ENKUR: variants seen among roughly 807,000 people sequenced by gnomAD.
ENKUR encodes enkurin.
A neutral mutation model predicts 27.6 loss-of-function variants in ENKUR; 19 were observed. The ratio of observed to expected loss-of-function variants is 0.69; its 90% confidence interval spans 0.48 to 1.01. ENKUR has a LOEUF of 1.01. Among genes scored for constraint, ENKUR ranks in the 50% least tolerant of loss-of-function variants. ENKUR has a pLI of 0.00. For synonymous variants in ENKUR, 117 were observed against 96.9 expected (o/e 1.21, Z -1.22); for missense variants, 312 against 310.5 (o/e 1.00, Z -0.04).
At chr10:24,997,168 C>T (rs975819350) in intron 2 of ENKUR, among the ~76,000 whole-genome samples, 4 of 152,086 alleles carry the variant, frequency 2.6e-5, no homozygotes, top group Admixed American at 2.6e-4. Context: ...GTGCTTTCAT[C>T]ATGCCTGTGA....
chr10:25,023,372 A>T, intron 2 of ENKUR: 1 of 1,614,082 alleles, frequency 6.2e-7, no homozygotes, highest in Non-Finnish European at 8.5e-7. Context: ...TATTCAACCC[A>T]CTCTCTTGTT....
Position 24,990,487 on chromosome 10 carries a change from A to G in ENKUR, c.570T>C (p.Asp190=). The G allele has an allele frequency of 1.2e-6, 2 of 1,613,252 alleles. No homozygotes were observed. The highest frequency in any genetic ancestry group is 1.1e-5 in the South Asian group (1 of 90,754). ...LKKAAMKRLS[D]EEREAVLQGL... is the part of the protein sequence containing the mutation. Reference sequence around the variant, plus strand: ...CCTGCAAAACTGCCTCCCTTTCTTCATCGGAGAGCCTTTTCATAGCTGCTT... The same window carrying G: ...CCTGCAAAACTGCCTCCCTTTCTTCGTCGGAGAGCCTTTTCATAGCTGCTT... The change falls in exon 4 of 6, where the codon GAT becomes GAC. Residue 190 remains aspartate (D), a synonymous_variant. Transcript: ENST00000331161.
chr10:25,041,425 T>C (rs916347667), intron 2 of ENKUR, among the ~76,000 whole-genome samples: 2 of 152,216 alleles, frequency 1.3e-5, no homozygotes, highest in African/African-American at 4.8e-5. Flanking sequence ...TACACATTTA[T>C]GTCTTTCACC....
intron 1 of ENKUR, among the ~76,000 whole-genome samples, chr10:25,005,302 A>G (rs73608216): frequency 0.054 from 8,244 of 152,302 alleles, 614 homozygotes; most frequent in African/African-American, 0.16. Context: ...TACCAAAACT[A>G]TATTTTACCA....
rs766917059 is a variant in ENKUR at position 24,995,813 on chromosome 10, G to C, written c.280C>G (p.His94Asp). The change falls in exon 3 of 6, where the codon CAT becomes GAT. Residue 94 changes from histidine (H) to aspartate (D), a missense_variant. Physicochemically the swap from His to Asp is moderately conservative, Grantham distance 81. Transcript: ENST00000331161. Reference protein sequence around the residue: ...KKPAVPLKTDHPVMGIQSGKN... With the variant: ...KKPAVPLKTDDPVMGIQSGKN... ...CCACTCTGTATTCCCATGACAGGAT[G>C]ATCAGTCTTCAATGGCACAGCAGGC... The C allele has an allele frequency of 6.2e-7, 1 of 1,613,960 alleles. No homozygotes were observed. The highest frequency in any genetic ancestry group is 8.5e-7 in the Non-Finnish European group (1 of 1,179,992).
At chr10:25,006,369 G>A (rs1393703252) in intron 1 of ENKUR, among the ~76,000 whole-genome samples, 1 of 151,874 alleles carries the variant, frequency 6.6e-6, no homozygotes, top group Non-Finnish European at 1.5e-5. Flanking sequence ...GTGTATTTGT[G>A]GCAGCACACC....
chr10:24,986,018 T>C (rs1849770625), intron 4 of ENKUR, among the ~76,000 whole-genome samples: 1 of 152,132 alleles, frequency 6.6e-6, no homozygotes, highest in Non-Finnish European at 1.5e-5. Flanking sequence ...CAGTGAGCGA[T>C]GATTGCGCCA....
intron 2 of ENKUR, among the ~76,000 whole-genome samples, chr10:25,033,849 A>G (rs1046106093): frequency 2.0e-5 from 3 of 151,700 alleles, no homozygotes; most frequent in East Asian, 1.9e-4. Context: ...CTATCTATCT[A>G]TCTATCTATC....
intron 1 of ENKUR, among the ~76,000 whole-genome samples, chr10:25,015,446 G>A (rs1444677448): frequency 6.6e-6 from 1 of 152,158 alleles, no homozygotes; most frequent in Non-Finnish European, 1.5e-5. Context: ...TCCCATTAGA[G>A]AGGGAGTAGT....
intron 1 of ENKUR, among the ~76,000 whole-genome samples, chr10:25,004,428 C>T (rs1850265758): frequency 6.6e-6 from 1 of 151,966 alleles, no homozygotes; most frequent in Non-Finnish European, 1.5e-5. Context: ...TCCACAACCT[C>T]ACCAGTATCT....
intron 1 of ENKUR, among the ~76,000 whole-genome samples, chr10:25,005,792 C>T (rs1339486636): frequency 1.3e-5 from 2 of 152,184 alleles, no homozygotes; most frequent in Admixed American, 1.3e-4. Flanking sequence ...CTTGACAACA[C>T]AGGCATATGT....
intron 3 of ENKUR, among the ~76,000 whole-genome samples, chr10:24,992,925 T>A (rs1193424837): frequency 6.6e-6 from 1 of 152,154 alleles, no homozygotes; most frequent in African/African-American, 2.4e-5. Context: ...TACAGCTTAG[T>A]ACAATAATGG....
intron 2 of ENKUR, chr10:25,025,413 G>A (rs758766032): frequency 2.5e-6 from 4 of 1,612,782 alleles, no homozygotes; most frequent in Middle Eastern, 1.7e-4. Flanking sequence ...TGAATGTCTT[G>A]AAGAGTCATG....
chr10:25,055,259 T>C (rs1193702742), intron 2 of ENKUR, among the ~76,000 whole-genome samples: 1 of 151,994 alleles, frequency 6.6e-6, no homozygotes. Flanking sequence ...TTATTTTACA[T>C]TGATTTTGCT....
chr10:25,057,971 G>A (rs1851280089), intron 2 of ENKUR, among the ~76,000 whole-genome samples: 1 of 152,060 alleles, frequency 6.6e-6, no homozygotes, highest in African/African-American at 2.4e-5. Context: ...TGATAAAACA[G>A]TGTCTTAGGT....
At chr10:25,002,241 T>C (rs1030156254) in intron 1 of ENKUR, among the ~76,000 whole-genome samples, 2 of 152,192 alleles carry the variant, frequency 1.3e-5, no homozygotes, top group Non-Finnish European at 2.9e-5. Context: ...TGTTGGTTAT[T>C]TACTTGGCCT....
chr10:25,033,346 G>A (rs1456188583), intron 2 of ENKUR, among the ~76,000 whole-genome samples: 8 of 142,818 alleles, frequency 5.6e-5, no homozygotes, highest in African/African-American at 8.1e-5. Flanking sequence ...TGAGGTTGCC[G>A]TGAGCTATGA....
chr10:25,042,268 A>G (rs1851072633), intron 2 of ENKUR, among the ~76,000 whole-genome samples: 2 of 141,952 alleles, frequency 1.4e-5, no homozygotes, highest in South Asian at 4.5e-4. Flanking sequence ...CTTTGGAAAG[A>G]TTTTTTTTTT....
intron 1 of ENKUR, among the ~76,000 whole-genome samples, chr10:25,004,722 C>G (rs774510008): frequency 5.9e-5 from 9 of 152,090 alleles, no homozygotes; most frequent in Non-Finnish European, 1.3e-4. Flanking sequence ...GTTGTTTACT[C>G]TGTTGATGGT....
Sources: gnomAD v4.1 joint callset for allele counts (sites outside exome capture counted in the v4.1 genomes callset) on GRCh38, gnomAD v4.1.1 for gene constraint, MANE v1.5 for transcripts, NCBI Gene and HGNC (gene_info 2026-07-23, HGNC 2026-07-21) for gene names.